Variants in NTM observed in about 807,000 individuals in gnomAD.
NTM encodes neurotrimin.
In NTM, 13 loss-of-function variants were observed where a neutral mutation model predicts 42.1. The observed-to-expected ratio is 0.31, with a 90% CI of 0.20 to 0.49. The LOEUF is 0.49. NTM is among the 20% of genes least tolerant of loss of function. NTM has a pLI of 0.99. For missense variants in NTM, 373 were observed against 452.8 expected (o/e 0.82, Z 1.60); for synonymous variants, 187 against 179.2 (o/e 1.04, Z -0.35).
intron 4 of NTM, among the ~76,000 whole-genome samples, chr11:132,212,648 A>G (rs964739613): frequency 6.6e-6 from 1 of 152,222 alleles, no homozygotes; most frequent in African/African-American, 2.4e-5. Context: ...TAGAGAACAA[A>G]TATAACTTAA....
chr11:131,814,467 A>G (rs939931136), intron 1 of NTM, among the ~76,000 whole-genome samples: 1 of 152,312 alleles, frequency 6.6e-6, no homozygotes, highest in African/African-American at 2.4e-5. Flanking sequence ...TCCTGAAAGC[A>G]CAGGTTCTGG....
intron 1 of NTM, among the ~76,000 whole-genome samples, chr11:131,811,892 A>G (rs1378383698): frequency 1.3e-5 from 2 of 152,242 alleles, no homozygotes; most frequent in Admixed American, 6.5e-5. Flanking sequence ...CACCTTTCAG[A>G]CCTGAGATAA....
intron 1 of NTM, among the ~76,000 whole-genome samples, chr11:131,442,858 A>C (rs973879723): frequency 3.3e-5 from 5 of 151,476 alleles, no homozygotes; most frequent in African/African-American, 9.7e-5. Flanking sequence ...CAAACACCAC[A>C]TTTTCTTTAT....
At chr11:132,228,929 G>A (rs1395274893) in intron 4 of NTM, among the ~76,000 whole-genome samples, 2 of 152,134 alleles carry the variant, frequency 1.3e-5, no homozygotes, top group Admixed American at 1.3e-4. Context: ...CGGAGAGCAG[G>A]AAGGAACCCT....
intron 4 of NTM, among the ~76,000 whole-genome samples, chr11:132,262,287 C>T (rs2092908680): frequency 6.6e-6 from 1 of 152,202 alleles, no homozygotes; most frequent in African/African-American, 2.4e-5. Flanking sequence ...GGCTCCTTCT[C>T]CCCACTGCCT....
chr11:132,281,223 T>G (rs1439091922), intron 4 of NTM, among the ~76,000 whole-genome samples: 1 of 152,194 alleles, frequency 6.6e-6, no homozygotes, highest in Non-Finnish European at 1.5e-5. Context: ...TTAGCTAAAT[T>G]TTCTGTTAGC....
At chr11:132,205,650 G>A (rs1471127749) in intron 3 of NTM, among the ~76,000 whole-genome samples, 1 of 152,104 alleles carries the variant, frequency 6.6e-6, no homozygotes, top group Non-Finnish European at 1.5e-5. Flanking sequence ...CAGAAGCCAG[G>A]AGGCACCACA....
At chr11:132,169,320 C>CTTTTTTTTT (rs567723794) in intron 3 of NTM, among the ~76,000 whole-genome samples, 1,233 of 32,410 alleles carry the variant, frequency 0.038, 421 homozygotes, top group Middle Eastern at 0.12. Flanking sequence ...AATTTTTTTA[C>CTTTTTTTTT]TTTTTTTTTT....
intron 1 of NTM, among the ~76,000 whole-genome samples, chr11:131,715,147 ATAT>A (rs2077556749): frequency 6.6e-6 from 1 of 152,202 alleles, no homozygotes; most frequent in Non-Finnish European, 1.5e-5. Context: ...GCCACCTCAG[ATAT>A]GGTGGCTTAA....
intron 1 of NTM, among the ~76,000 whole-genome samples, chr11:131,699,058 A>G (rs1228261321): frequency 6.6e-6 from 1 of 152,222 alleles, no homozygotes; most frequent in Non-Finnish European, 1.5e-5. Context: ...GTCAAAATTC[A>G]TTGACTTGTT....
intron 1 of NTM, among the ~76,000 whole-genome samples, chr11:131,442,307 A>G (rs1026437730): frequency 3.7e-4 from 56 of 152,196 alleles, no homozygotes; most frequent in African/African-American, 1.1e-3. Flanking sequence ...TGATCCATCT[A>G]TGTTAACATC....
At chr11:132,010,029 ATGGACAGACAATTTCTTAAGTCACTAGAT>A (rs1262722611) in intron 2 of NTM, among the ~76,000 whole-genome samples, 1 of 152,206 alleles carries the variant, frequency 6.6e-6, no homozygotes, top group Non-Finnish European at 1.5e-5. Flanking sequence ...AGTGAAGAAA[ATGGACAGACAATTTCTTAAGTCACTAGAT>A]TGTAGAGATC....
chr11:131,657,150 C>CAAAAA (rs55842346), intron 1 of NTM, among the ~76,000 whole-genome samples: 1 of 147,922 alleles, frequency 6.8e-6, no homozygotes. Context: ...AAGACCAGCC[C>CAAAAA]AAAAAAAAAA....
intron 2 of NTM, among the ~76,000 whole-genome samples, chr11:132,108,907 A>G (rs1003863251): frequency 8.6e-5 from 13 of 151,936 alleles, no homozygotes; most frequent in Non-Finnish European, 1.5e-4. Flanking sequence ...CCTTGTGTCC[A>G]TGTGTTCTCA....
Position 131,865,099 on chromosome 11 carries a change from A to C in NTM, c.83-46465A>C, listed in dbSNP as rs548691621. On this transcript the variant is annotated intron_variant, in intron 1 of 8. Transcript: ENST00000683400. ...GCACATGCTTCATTTTCTGGGCTGT[A>C]TCATGCGCTCTACCCTGAGACAATG... Among the ~76,000 whole-genome samples the C allele has an allele frequency of 1.2e-4, 18 of 152,298 alleles. No individual in the cohort carries two copies. The South Asian group carries it at 3.7e-3, about 32-fold the overall frequency.
intron 2 of NTM, among the ~76,000 whole-genome samples, chr11:132,126,701 G>A (rs2065898018): frequency 6.6e-6 from 1 of 152,208 alleles, no homozygotes; most frequent in Non-Finnish European, 1.5e-5. Flanking sequence ...AATGCGGAAG[G>A]AGAAAGAGCC....
chr11:131,412,506 T>C (rs1946530530), intron 1 of NTM, among the ~76,000 whole-genome samples: 1 of 152,236 alleles, frequency 6.6e-6, no homozygotes, highest in African/African-American at 2.4e-5. Flanking sequence ...TTTCTACATA[T>C]TCTAGAATAT....
chr11:131,586,228 C>T (rs1463814191), intron 1 of NTM, among the ~76,000 whole-genome samples: 1 of 152,134 alleles, frequency 6.6e-6, no homozygotes, highest in African/African-American at 2.4e-5. Context: ...ATCTCAGCCT[C>T]CCAAGTAGCT....
intron 7 of NTM, among the ~76,000 whole-genome samples, chr11:132,326,077 T>A (rs1290697266): frequency 2.6e-5 from 4 of 151,748 alleles, no homozygotes; most frequent in Non-Finnish European, 5.9e-5. Context: ...AAATGACGAG[T>A]TAATGGGTGC....
Sources: gnomAD v4.1 joint callset for allele counts (sites outside exome capture counted in the v4.1 genomes callset) on GRCh38, gnomAD v4.1.1 for gene constraint, MANE v1.5 for transcripts, NCBI Gene and HGNC (gene_info 2026-07-23, HGNC 2026-07-21) for gene names.